The following IQCJ variants were observed in gnomAD, a reference collection of about 807,000 sequenced individuals.
IQCJ encodes IQ domain-containing protein J.
IQCJ carries 9 observed loss-of-function variants against 11.0 expected under a neutral mutation model. The ratio of observed to expected loss-of-function variants is 0.82; its 90% confidence interval spans 0.49 to 1.43. The LOEUF (loss-of-function observed/expected upper bound fraction) is 1.43, where lower values mean the gene tolerates loss of function less well. IQCJ is among the 40% of genes most tolerant of loss of function. IQCJ has a pLI of 0.00. For synonymous variants in IQCJ, 55 were observed against 51.3 expected (o/e 1.07, Z -0.31); for missense variants, 146 against 133.2 (o/e 1.10, Z -0.47).
intron 1 of IQCJ, among the ~76,000 whole-genome samples, chr3:159,199,972 T>G (rs1724217582): frequency 6.7e-6 from 1 of 149,226 alleles, no homozygotes. Flanking sequence ...TCAGTTTTCC[T>G]TCTGAAAAAT....
At chr3:159,075,297 A>G (rs1363000000) in intron 1 of IQCJ, among the ~76,000 whole-genome samples, 1 of 152,162 alleles carries the variant, frequency 6.6e-6, no homozygotes, top group East Asian at 1.9e-4. Context: ...GAGTGCAGGA[A>G]AACCCTTGTA....
chr3:159,261,212 T>C (rs1728183010), intron 3 of IQCJ, among the ~76,000 whole-genome samples: 1 of 152,182 alleles, frequency 6.6e-6, no homozygotes, highest in Non-Finnish European at 1.5e-5. Flanking sequence ...ATCAGATGCT[T>C]CCAGGAGTTT....
chr3:159,184,755 G>C (rs1178749733), intron 1 of IQCJ, among the ~76,000 whole-genome samples: 1 of 152,048 alleles, frequency 6.6e-6, no homozygotes, highest in African/African-American at 2.4e-5. Context: ...AAATTGATCT[G>C]GTATATTGAT....
downstream of IQCJ, among the ~76,000 whole-genome samples, chr3:159,264,350 C>T (rs899667860): frequency 4.6e-5 from 7 of 152,316 alleles, no homozygotes; most frequent in African/African-American, 1.4e-4. Context: ...GCATGTTCTT[C>T]CCTGTTCATG....
At chr3:159,160,740 T>A (rs1318875322) in intron 1 of IQCJ, among the ~76,000 whole-genome samples, 3 of 141,930 alleles carry the variant, frequency 2.1e-5, no homozygotes, top group South Asian at 2.4e-4. Context: ...TGTCCATGTG[T>A]TCTCATTGTT....
chr3:159,151,863 C>T (rs868459403), intron 1 of IQCJ, among the ~76,000 whole-genome samples: 19 of 152,288 alleles, frequency 1.2e-4, no homozygotes, highest in African/African-American at 4.1e-4. Flanking sequence ...CTCAATCTCC[C>T]AACCTCGTGA....
At chr3:159,145,687 T>C (rs1044481675) in intron 1 of IQCJ, among the ~76,000 whole-genome samples, 7 of 152,190 alleles carry the variant, frequency 4.6e-5, no homozygotes, top group African/African-American at 1.7e-4. Context: ...TCTCTCCAAC[T>C]TTCTGTCCAT....
intron 1 of IQCJ, among the ~76,000 whole-genome samples, chr3:159,173,856 T>C (rs554322758): frequency 2.0e-4 from 30 of 152,332 alleles, no homozygotes; most frequent in Admixed American, 1.3e-3. Flanking sequence ...TTTTTCCATC[T>C]GAAGACTTAC....
intron 1 of IQCJ, among the ~76,000 whole-genome samples, chr3:159,232,273 A>G (rs1010077378): frequency 6.6e-6 from 1 of 152,022 alleles, no homozygotes; most frequent in African/African-American, 2.4e-5. Context: ...ATTTAGTCCT[A>G]TAAATTTCCC....
At chr3:159,221,945 A>G (rs1725574289) in intron 1 of IQCJ, among the ~76,000 whole-genome samples, 1 of 152,184 alleles carries the variant, frequency 6.6e-6, no homozygotes, top group Admixed American at 6.5e-5. Context: ...AAAATCTTAA[A>G]CTAAAAAACA....
chr3:159,142,925 C>A (rs893019461), intron 1 of IQCJ, among the ~76,000 whole-genome samples: 3 of 152,006 alleles, frequency 2.0e-5, no homozygotes, highest in African/African-American at 4.8e-5. Context: ...AGCATATATT[C>A]CTGTAATTAA....
chr3:159,169,511 A>G (rs1351416853), intron 1 of IQCJ, among the ~76,000 whole-genome samples: 1 of 151,642 alleles, frequency 6.6e-6, no homozygotes, highest in African/African-American at 2.4e-5. Flanking sequence ...GCTGGTCTCA[A>G]ACTACTGACC....
intron 3 of IQCJ, among the ~76,000 whole-genome samples, chr3:159,257,454 A>G (rs1287431614): frequency 6.6e-6 from 1 of 152,162 alleles, no homozygotes; most frequent in Non-Finnish European, 1.5e-5. Context: ...AGTTATGGGT[A>G]TTTGAGAAGA....
At chr3:159,107,631 A>G (rs1718345965) in intron 1 of IQCJ, among the ~76,000 whole-genome samples, 1 of 152,126 alleles carries the variant, frequency 6.6e-6, no homozygotes, top group African/African-American at 2.4e-5. Context: ...TTTATTTAGC[A>G]TTTGCCATTT....
intron 1 of IQCJ, among the ~76,000 whole-genome samples, chr3:159,143,962 T>C (rs1191401512): frequency 6.6e-6 from 1 of 152,182 alleles, no homozygotes; most frequent in Non-Finnish European, 1.5e-5. Flanking sequence ...AGGGGTTCAA[T>C]GTTGTATCTT....
At chr3:159,202,051 T>C (rs989372546) in intron 1 of IQCJ, among the ~76,000 whole-genome samples, 4 of 152,186 alleles carry the variant, frequency 2.6e-5, no homozygotes, top group Admixed American at 2.6e-4. Flanking sequence ...GGGCAACTCA[T>C]TTCACTTCTT....
At chr3:159,121,882 T>C (rs1164099807) in intron 1 of IQCJ, among the ~76,000 whole-genome samples, 56 of 152,232 alleles carry the variant, frequency 3.7e-4, no homozygotes, top group Non-Finnish European at 1.0e-4. Flanking sequence ...GAAAACAATG[T>C]ACTTGACATT....
At chr3:159,116,033 A>C (rs1027585763) in intron 1 of IQCJ, among the ~76,000 whole-genome samples, 1 of 152,162 alleles carries the variant, frequency 6.6e-6, no homozygotes, top group Admixed American at 6.6e-5. Context: ...ACAAACCTGC[A>C]TGTTCTGCAC....
chr3:159,246,910 AC>A (rs1727305742), intron 2 of IQCJ, among the ~76,000 whole-genome samples: 2 of 152,102 alleles, frequency 1.3e-5, no homozygotes, highest in South Asian at 4.1e-4. Context: ...ATAAGGAAAA[AC>A]TTTTGTAAAA....
Sources: allele counts gnomAD v4.1 joint callset (sites outside exome capture counted in the v4.1 genomes callset), GRCh38; gene constraint gnomAD v4.1.1; transcripts MANE v1.5; gene names NCBI Gene and HGNC (gene_info 2026-07-23, HGNC 2026-07-21).